The following BNC2 variants were observed in gnomAD, a reference collection of about 807,000 sequenced individuals.
The protein encoded by BNC2 is basonuclin zinc finger protein 2, also known as zinc finger protein basonuclin-2.
A neutral mutation model predicts 76.3 loss-of-function variants in BNC2; 20 were observed. The ratio of observed to expected loss-of-function variants is 0.26; its 90% CI spans 0.18 to 0.38. BNC2 has a LOEUF of 0.38. Among genes scored for constraint, BNC2 ranks in the 10% least tolerant of loss-of-function variants. The pLI is 1.00. For missense variants in BNC2, 1,382 were observed against 1,399.8 expected (o/e 0.99, Z 0.20); for synonymous variants, 582 against 514.8 (o/e 1.13, Z -1.77).
intron 4 of BNC2, 75 bp downstream of exon 4, chr9:16,582,908 C>T: frequency 1.0e-6 from 1 of 1,001,486 alleles, no homozygotes; most frequent in Non-Finnish European, 1.6e-6. Flanking sequence ...CACACACACA[C>T]ACACACACAC....
At chr9:16,868,222 T>C (rs1819591240) in intron 1 of BNC2, 1 of 152,200 alleles carries the variant, frequency 6.6e-6, no homozygotes, top group Admixed American at 6.5e-5. Flanking sequence ...ATTGGCATTC[T>C]TGACTGCAGC....
At chr9:16,644,897 A>G (rs958879346) in intron 3 of BNC2, among the ~76,000 whole-genome samples, 1 of 152,152 alleles carries the variant, frequency 6.6e-6, no homozygotes, top group Non-Finnish European at 1.5e-5. Flanking sequence ...CTTTCAATTC[A>G]AAGTTTGAAA....
In BNC2 at chr9:16,462,359, T is replaced by C. The variant is rs988659638; in HGVS notation, c.670-24835A>G. 1.6e-4 allele frequency among the ~76,000 whole-genome samples: 25 copies of C among 152,134 alleles called. 2 individuals are homozygous for C. The highest frequency in any genetic ancestry group is 2.9e-5 in the Non-Finnish European group (2 of 68,028). The stretch of plus-strand genomic sequence containing the variant: ...CATCTCCTGAGATTCTGCCCCCAAC[T>C]TTTATATTGAGATAAAGCACCTATG... On this transcript the variant is annotated intron_variant, in intron 5 of 6. Transcript: ENST00000380672.
chr9:16,570,457 C>T (rs764528275), intron 4 of BNC2, among the ~76,000 whole-genome samples: 34 of 152,236 alleles, frequency 2.2e-4, no homozygotes, highest in Non-Finnish European at 4.3e-4. Context: ...TTGGCACTGA[C>T]GTGTGTTTTC....
chr9:16,510,189 T>C (rs1347269106), intron 5 of BNC2, among the ~76,000 whole-genome samples: 1 of 152,204 alleles, frequency 6.6e-6, no homozygotes, highest in South Asian at 2.1e-4. Flanking sequence ...CTGGCCTCAG[T>C]GCCCACTGTT....
rs1417562188 is a variant in BNC2 at position 16,417,399 on chromosome 9, C to G, written c.*1590G>C. The stretch of plus-strand genomic sequence containing the variant: ...TGGTTTCAGGCTTGCTTTCATTTCT[C>G]TCTGACAAATCGTGTGGGGAAACAC... On this transcript the variant is annotated 3_prime_UTR_variant, in exon 7 of 7. Coordinates refer to ENST00000380672, the MANE Select transcript of BNC2 (RefSeq NM_017637.6). 1.3e-5 allele frequency: 2 copies of G among 152,266 alleles called. No individual in the cohort carries two copies. The highest frequency in any genetic ancestry group is 4.8e-5 in the African/African-American group (2 of 41,456). 9.4% of individuals were successfully genotyped at this position (152,266 alleles called of 1,614,324 possible). A position where few individuals can be genotyped will look rare whatever the true frequency, so the allele number is the denominator to read the frequency against.
At chr9:16,505,081 C>T (rs1822597456) in intron 5 of BNC2, among the ~76,000 whole-genome samples, 1 of 152,174 alleles carries the variant, frequency 6.6e-6, no homozygotes, top group African/African-American at 2.4e-5. Flanking sequence ...AGCCTTGTTT[C>T]CCTCATCTGT....
intron 3 of BNC2, among the ~76,000 whole-genome samples, chr9:16,614,352 GCA>G (rs1820636061): frequency 6.6e-6 from 1 of 151,904 alleles, no homozygotes; most frequent in African/African-American, 2.4e-5. Flanking sequence ...ACAGTACCTA[GCA>G]CAGAGTTAGC....
intron 1 of BNC2, among the ~76,000 whole-genome samples, chr9:16,741,077 T>A (rs533266799): frequency 6.6e-6 from 1 of 152,134 alleles, no homozygotes; most frequent in East Asian, 1.9e-4. Context: ...AAAATAATCA[T>A]CTGAGGAAAG....
At chr9:16,451,445 G>A (rs1251353588) in intron 5 of BNC2, among the ~76,000 whole-genome samples, 1 of 151,928 alleles carries the variant, frequency 6.6e-6, no homozygotes, top group Non-Finnish European at 1.5e-5. Context: ...ACCTTTCATG[G>A]CTCCCTATTG....
At chr9:16,864,642 C>T (rs1391697387) in intron 1 of BNC2, among the ~76,000 whole-genome samples, 3 of 152,136 alleles carry the variant, frequency 2.0e-5, no homozygotes, top group African/African-American at 7.2e-5. Flanking sequence ...GTGCATTTAT[C>T]CCTGGGATGC....
intron 3 of BNC2, among the ~76,000 whole-genome samples, chr9:16,636,714 G>C (rs1473471872): frequency 2.6e-5 from 4 of 152,126 alleles, no homozygotes; most frequent in Non-Finnish European, 5.9e-5. Context: ...TACCTGAAGG[G>C]AAGTGGAGAA....
At chr9:16,538,300 A>G (rs1203602307) in intron 5 of BNC2, among the ~76,000 whole-genome samples, 1 of 152,208 alleles carries the variant, frequency 6.6e-6, no homozygotes, top group African/African-American at 2.4e-5. Flanking sequence ...CTAAAATTCT[A>G]TGTACTGAGT....
chr9:16,725,124 A>T (rs1824271203), intron 3 of BNC2, among the ~76,000 whole-genome samples: 1 of 152,078 alleles, frequency 6.6e-6, no homozygotes, highest in Non-Finnish European at 1.5e-5. Flanking sequence ...CTGTAACAAA[A>T]ACTAGCGTAA....
At chr9:16,866,806 C>A (rs1404464932) in intron 1 of BNC2, among the ~76,000 whole-genome samples, 5 of 151,992 alleles carry the variant, frequency 3.3e-5, no homozygotes, top group African/African-American at 1.2e-4. Flanking sequence ...AATCATGAGG[C>A]TCCCTCTAGC....
chr9:16,744,059 C>T lies in BNC2; in HGVS notation c.4-5574G>A, dbSNP rs766514649. 3.3e-5 allele frequency among the ~76,000 whole-genome samples: 5 copies of T among 152,156 alleles called. 1 individual carries two copies. The highest frequency in any genetic ancestry group is 2.1e-4 in the South Asian group (1 of 4,830). On this transcript the variant is annotated intron_variant, in intron 1 of 6. Coordinates refer to ENST00000380672, the MANE Select transcript of BNC2 (RefSeq NM_017637.6). The stretch of plus-strand genomic sequence containing the variant: ...TCTGCTCACTGCAAGCTCCGCCTCC[C>T]GGGTTCACGCCATTCTCCTACCTCA...
At chr9:16,519,285 G>C (rs1563821648) in intron 5 of BNC2, among the ~76,000 whole-genome samples, 1 of 152,200 alleles carries the variant, frequency 6.6e-6, no homozygotes. Context: ...ATTTTGTCTA[G>C]AGCTGGAAAG....
chr9:16,594,620 T>A (rs1013640879), intron 3 of BNC2, among the ~76,000 whole-genome samples: 1 of 152,174 alleles, frequency 6.6e-6, no homozygotes, highest in Non-Finnish European at 1.5e-5. Context: ...CCCAGGCCAA[T>A]TGAGACAGAC....
chr9:16,465,808 G>T (rs1821693755), intron 5 of BNC2, among the ~76,000 whole-genome samples: 1 of 152,134 alleles, frequency 6.6e-6, no homozygotes, highest in Non-Finnish European at 1.5e-5. Context: ...CAATTAAAAT[G>T]CCTTCTTCTG....
Sources: gnomAD v4.1 joint callset for allele counts (sites outside exome capture counted in the v4.1 genomes callset) on GRCh38, gnomAD v4.1.1 for gene constraint, MANE v1.5 for transcripts, NCBI Gene and HGNC (gene_info 2026-07-23, HGNC 2026-07-21) for gene names.